The following ARL8B variants were observed in gnomAD, a reference collection of about 807,000 sequenced individuals.
ARL8B encodes ADP-ribosylation factor-like protein 8B.
In ARL8B, 9 loss-of-function variants were observed where a neutral mutation model predicts 30.6. The observed-to-expected ratio is 0.29, with a 90% CI of 0.18 to 0.51. ARL8B has a LOEUF of 0.51. ARL8B is among the 20% of genes least tolerant of loss of function. The pLI is 0.97. For synonymous variants in ARL8B, 74 were observed against 76.0 expected (o/e 0.97, Z 0.14); for missense variants, 130 against 227.2 (o/e 0.57, Z 2.75).
chr3:5,136,501 C>T lies in ARL8B; in HGVS notation c.123+13913C>T, dbSNP rs149407083. Among the ~76,000 whole-genome samples, 27 of 152,290 alleles carry T rather than the reference C, an allele frequency of 1.8e-4. No homozygotes were observed. In the East Asian group the frequency reaches 5.0e-3, roughly 28 times the overall value. ...CCTGTCACTGAAATTAGTTTGGAAG[C>T]TGGGCATGACTTTATAGTGTTCCAT... On this transcript the variant is annotated intron_variant, in intron 1 of 6. Coordinates refer to ENST00000256496, the MANE Select transcript of ARL8B (RefSeq NM_018184.3).
intron 1 of ARL8B, among the ~76,000 whole-genome samples, chr3:5,164,571 T>C (rs926019248): frequency 6.6e-6 from 1 of 152,216 alleles, no homozygotes; most frequent in African/African-American, 2.4e-5. Context: ...GCATTCAATT[T>C]TCTGAAACAT....
At chr3:5,150,122 C>T (rs2054466764) in intron 1 of ARL8B, among the ~76,000 whole-genome samples, 1 of 152,086 alleles carries the variant, frequency 6.6e-6, no homozygotes, top group Non-Finnish European at 1.5e-5. Context: ...GTTCGTGCCT[C>T]TTCTGTTTTT....
In ARL8B at chr3:5,174,914, T is replaced by C. The variant is rs775248860; in HGVS notation, c.511+500T>C. On this transcript the variant is annotated intron_variant, in intron 6 of 6. Coordinates refer to ENST00000256496, the MANE Select transcript of ARL8B (RefSeq NM_018184.3). ...GCCTCCTGGGTTAAAGCGATTCTTG[T>C]GCCTCAGCCTCCTGAGTAGCTGGGA... 1.0e-3 allele frequency among the ~76,000 whole-genome samples: 158 copies of C among 151,822 alleles called. 1 individual carries two copies. The highest frequency in any genetic ancestry group is 1.8e-3 in the Non-Finnish European group (120 of 67,962).
rs1006069385 is a variant in ARL8B at position 5,179,616 on chromosome 3, C to G, written c.*903C>G. ...AACATCTGTTTGTTCTATCTCCAGT[C>G]ATTAAATCAGTGCTGCTGCATGACA... On this transcript the variant is annotated 3_prime_UTR_variant, in exon 7 of 7. Coordinates refer to ENST00000256496, the MANE Select transcript of ARL8B (RefSeq NM_018184.3). 2.6e-5 allele frequency: 4 copies of G among 152,632 alleles called. No individual in the cohort carries two copies. Among genetic ancestry groups the G allele is most frequent in the Non-Finnish European group, 2.9e-5 (2 of 68,046 alleles). 9.5% of individuals were successfully genotyped at this position (152,632 alleles called of 1,614,324 possible).
chr3:5,174,711 ATGTAT>A (rs1559287328), intron 6 of ARL8B, among the ~76,000 whole-genome samples: 25 of 144,544 alleles, frequency 1.7e-4, no homozygotes, highest in African/African-American at 3.1e-4. Flanking sequence ...TATATGTAAT[ATGTAT>A]TATATATTAT....
chr3:5,124,000 C>T (rs1440036719), intron 1 of ARL8B, among the ~76,000 whole-genome samples: 10 of 152,180 alleles, frequency 6.6e-5, no homozygotes, highest in Middle Eastern at 3.4e-3. Context: ...CCACCTCCTG[C>T]GTAGCTGGGA....
chr3:5,178,955 A>G lies in ARL8B; in HGVS notation c.*242A>G, dbSNP rs372987676. On this transcript the variant is annotated 3_prime_UTR_variant, in exon 7 of 7. Transcript: ENST00000256496. The stretch of plus-strand genomic sequence containing the variant: ...TTCTTACACATACCTGTCTTAAACC[A>G]TGTGTAGAGCTTTAAAAACAGAAAA... The G allele has an allele frequency of 1.4e-4, 67 of 495,648 alleles. 1 individual carries two copies. The highest frequency in any genetic ancestry group is 1.2e-3 in the African/African-American group (61 of 50,494). The allele number at this position is 495,648 out of a possible 1,614,324, so 30.7% of individuals were successfully genotyped here.
At chr3:5,131,634 AC>A (rs1173872160) in intron 1 of ARL8B, among the ~76,000 whole-genome samples, 1 of 150,846 alleles carries the variant, frequency 6.6e-6, no homozygotes, top group Non-Finnish European at 1.5e-5. Context: ...CAAGTGATCC[AC>A]CCACCTCGGC....
rs1267551673 is a variant in ARL8B, at chr3:5,179,770, G to A, written c.*1057G>A. 1 of 152,344 alleles carries A rather than the reference G, an allele frequency of 6.6e-6. No individual in the cohort carries two copies. Among genetic ancestry groups the A allele is most frequent in the African/African-American group, 2.4e-5 (1 of 41,426 alleles). The allele number at this position is 152,344 out of a possible 1,614,324, so 9.4% of individuals were successfully genotyped here. ...AAGCTTTGGCACTCTTTTGACTGGT[G>A]CCATTAGACATCTTGATTATTGTGA... On this transcript the variant is annotated 3_prime_UTR_variant, in exon 7 of 7. Transcript: ENST00000256496.
intron 1 of ARL8B, among the ~76,000 whole-genome samples, 171 bp downstream of exon 1, chr3:5,122,759 T>A (rs2054193292): frequency 6.6e-6 from 1 of 152,222 alleles, no homozygotes; most frequent in African/African-American, 2.4e-5. Context: ...TTCCCGCGTG[T>A]TGGCGGCGCG....
intron 1 of ARL8B, among the ~76,000 whole-genome samples, chr3:5,137,225 C>G (rs2054334893): frequency 6.6e-6 from 1 of 151,978 alleles, no homozygotes; most frequent in Non-Finnish European, 1.5e-5. Context: ...GGCACAGTGA[C>G]TGGCATAGAA....
intron 1 of ARL8B, among the ~76,000 whole-genome samples, chr3:5,145,655 C>A (rs923520380): frequency 3.3e-5 from 5 of 152,202 alleles, no homozygotes; most frequent in Non-Finnish European, 5.9e-5. Context: ...TGTTTTAGTT[C>A]TTTCACTGCC....
At chr3:5,166,114 G>A (rs1001387860) in intron 1 of ARL8B, among the ~76,000 whole-genome samples, 2 of 147,594 alleles carry the variant, frequency 1.4e-5, no homozygotes, top group Non-Finnish European at 3.0e-5. Flanking sequence ...ATCTTGGCTC[G>A]CTGCAACCTC....
intron 1 of ARL8B, chr3:5,157,102 C>T (rs2106565056): frequency 6.6e-6 from 1 of 152,324 alleles, no homozygotes; most frequent in East Asian, 1.9e-4. Flanking sequence ...ATCCAACCCA[C>T]CTTCTATGGG....
chr3:5,172,264 T>A, intron 3 of ARL8B, 41 bp downstream of exon 3: 1 of 1,528,420 alleles, frequency 6.5e-7, no homozygotes, highest in Non-Finnish European at 9.0e-7. Flanking sequence ...TAAATCAATG[T>A]AGGCATCAAA....
At chr3:5,135,002 C>A (rs1445894683) in intron 1 of ARL8B, among the ~76,000 whole-genome samples, 1 of 152,154 alleles carries the variant, frequency 6.6e-6, no homozygotes. Flanking sequence ...GCACACACCA[C>A]CACGCTTGGC....
intron 1 of ARL8B, among the ~76,000 whole-genome samples, chr3:5,127,460 T>C (rs548382966): frequency 1.9e-4 from 29 of 152,326 alleles, no homozygotes; most frequent in Admixed American, 7.8e-4. Flanking sequence ...TGTGTCTCTC[T>C]AGAGAGAGCA....
chr3:5,177,761 T>TCTTA (rs2054743138), intron 6 of ARL8B, among the ~76,000 whole-genome samples: 2 of 152,190 alleles, frequency 1.3e-5, no homozygotes, highest in African/African-American at 4.8e-5. Context: ...GCCATGAATT[T>TCTTA]CTTAAATATT....
intron 1 of ARL8B, among the ~76,000 whole-genome samples, chr3:5,145,626 C>T (rs185331111): frequency 7.9e-5 from 12 of 152,268 alleles, no homozygotes; most frequent in South Asian, 2.1e-4. Context: ...GGACTAGGGC[C>T]GGGGCTGTAA....
Sources: gnomAD v4.1 joint callset for allele counts (sites outside exome capture counted in the v4.1 genomes callset) on GRCh38, gnomAD v4.1.1 for gene constraint, MANE v1.5 for transcripts, NCBI Gene and HGNC (gene_info 2026-07-23, HGNC 2026-07-21) for gene names.